Variants in RND3 observed in about 807,000 individuals in gnomAD.
RND3 encodes Rho family GTPase 3.
Under a neutral mutation model 26.5 loss-of-function variants are expected in RND3, and 8 were observed. The ratio of observed to expected loss-of-function variants is 0.30; its 90% CI spans 0.18 to 0.54. RND3 has a LOEUF of 0.54. Ranked by LOEUF, RND3 falls within the 20% of genes least tolerant of loss-of-function variation. RND3 has a pLI of 0.94. For synonymous variants in RND3, 113 were observed against 113.0 expected (o/e 1.00, Z 0.00); for missense variants, 207 against 302.8 (o/e 0.68, Z 2.35).
rs919891858 is a variant in RND3 at position 150,468,587 on chromosome 2, A to G, written c.*1400T>C. Reference sequence around the variant, plus strand: ...GATTTAAGGGGAGCACAGCTTCAACACTTCAAAAACGAAGCACTATCATGG... The same window carrying G: ...GATTTAAGGGGAGCACAGCTTCAACGCTTCAAAAACGAAGCACTATCATGG... On this transcript the variant is annotated 3_prime_UTR_variant, in exon 6 of 6. Coordinates refer to ENST00000263895, the MANE Select transcript of RND3 (RefSeq NM_005168.5). The G allele has an allele frequency of 6.6e-6, 1 of 152,660 alleles. No individual in the cohort carries two copies. The highest frequency in any genetic ancestry group is 1.5e-5 in the Non-Finnish European group (1 of 68,048). The allele number at this position is 152,660 out of a possible 1,614,324, so 9.5% of individuals were successfully genotyped here. A position where few individuals can be genotyped will look rare whatever the true frequency, so the allele number is the denominator to read the frequency against.
chr2:150,481,618 T>C (rs1319426455), intron 3 of RND3, among the ~76,000 whole-genome samples: 1 of 152,120 alleles, frequency 6.6e-6, no homozygotes, highest in Non-Finnish European at 1.5e-5. Context: ...ACTCCTCCCA[T>C]AGCATCTAGC....
chr2:150,474,328 C>T (rs982872933), intron 4 of RND3, among the ~76,000 whole-genome samples: 1 of 152,136 alleles, frequency 6.6e-6, no homozygotes, highest in Admixed American at 6.5e-5. Context: ...AGCACTGCTT[C>T]CATATTACTA....
chr2:150,472,686 C>T (rs1339469845), intron 4 of RND3, among the ~76,000 whole-genome samples: 2 of 152,106 alleles, frequency 1.3e-5, no homozygotes, highest in Admixed American at 1.3e-4. Context: ...CCTGACTCTT[C>T]CCACCCACAT....
At chr2:150,475,049 C>A (rs989889093) in intron 3 of RND3, 65 bp from the exon 4 acceptor site, 2 of 957,214 alleles carry the variant, frequency 2.1e-6, no homozygotes, top group Non-Finnish European at 3.3e-6. Flanking sequence ...TGCATTAACT[C>A]TACCCTTTCC....
At chr2:150,483,225 C>G (rs1180162714) in intron 3 of RND3, among the ~76,000 whole-genome samples, 1 of 152,008 alleles carries the variant, frequency 6.6e-6, no homozygotes, top group Non-Finnish European at 1.5e-5. Flanking sequence ...AAAAGTAGAC[C>G]CCTTATGAGA....
rs566959984 is a variant in RND3, at chr2:150,470,176, C to T, written c.546G>A (p.Ser182=). The T allele has an allele frequency of 2.2e-5, 36 of 1,613,876 alleles. No individual in the cohort carries two copies. Among genetic ancestry groups the T allele is most frequent in the African/African-American group, 1.5e-4 (11 of 75,006 alleles). Residue 182 remains serine, a synonymous_variant, in exon 6 of 6, where the codon TCG becomes TCA. Transcript: ENST00000263895. Reference sequence around the variant, plus strand: ...GAAAAATGTCTCTGACGCTATTTTCCGACTGTAAAGCTGAGCATTCGATAT... The same window carrying T: ...GAAAAATGTCTCTGACGCTATTTTCTGACTGTAAAGCTGAGCATTCGATAT... ...ATYIECSALQ[S]ENSVRDIFHV...
At chr2:150,485,788 G>A (rs983532130) in intron 3 of RND3, among the ~76,000 whole-genome samples, 1 of 152,154 alleles carries the variant, frequency 6.6e-6, no homozygotes, top group African/African-American at 2.4e-5. Context: ...TTCCCACCGG[G>A]AGGGTACCTA....
At chr2:150,477,288 C>T (rs967399822) in intron 3 of RND3, among the ~76,000 whole-genome samples, 41 of 152,044 alleles carry the variant, frequency 2.7e-4, no homozygotes, top group Admixed American at 2.1e-3. Flanking sequence ...TTTCAGGATA[C>T]GATTTGTATG....
rs71422244 is a variant in RND3 at position 150,487,464 on chromosome 2, G to GAA, written c.-38-11_-38-10dup. 7.6e-3 allele frequency: 2,178 copies of GAA among 288,166 alleles called. 39 individuals are homozygous for GAA. Among genetic ancestry groups the GAA allele is most frequent in the African/African-American group, 0.035 (1,382 of 39,632 alleles). The allele number at this position is 288,166 out of a possible 1,614,324, so 17.9% of individuals were successfully genotyped here. ...TGGAACAGGAATTTTCTCTTAAGAAGAAAAAAAAAAATATATATATATATA... is the reference window on the plus strand; with the variant it reads ...TGGAACAGGAATTTTCTCTTAAGAAGAAAAAAAAAAAAATATATATATATATA... On this transcript the variant is annotated splice_polypyrimidine_tract_variant and intron_variant, in intron 1 of 5. Coordinates refer to ENST00000263895, the MANE Select transcript of RND3 (RefSeq NM_005168.5).
At chr2:150,483,856 CT>C (rs1686316280) in intron 3 of RND3, among the ~76,000 whole-genome samples, 2 of 152,150 alleles carry the variant, frequency 1.3e-5, no homozygotes, top group Non-Finnish European at 2.9e-5. Context: ...AAATAATTCC[CT>C]TATGCCTCTT....
intron 5 of RND3, 91 bp downstream of exon 5, chr2:150,471,536 G>A (rs943187556): frequency 9.1e-7 from 1 of 1,099,696 alleles, no homozygotes; most frequent in African/African-American, 1.6e-5. Flanking sequence ...CTTTAGAAAA[G>A]CAGCTACTTT....
intron 3 of RND3, among the ~76,000 whole-genome samples, chr2:150,478,578 GCA>G (rs1686213168): frequency 1.3e-5 from 1 of 74,172 alleles, no homozygotes; most frequent in African/African-American, 6.5e-5. Context: ...AAGCCAAACG[GCA>G]AAAAAAAAAA....
At chr2:150,484,224 G>GAAC in intron 3 of RND3, among the ~76,000 whole-genome samples, 1 of 152,204 alleles carries the variant, frequency 6.6e-6, no homozygotes, top group East Asian at 1.9e-4. Flanking sequence ...TGTGCTATGT[G>GAAC]TGCAGAGTCT....
chr2:150,475,082 A>G, intron 3 of RND3, 98 bp from the exon 4 acceptor site: 1 of 673,542 alleles, frequency 1.5e-6, no homozygotes, highest in South Asian at 1.8e-5. Flanking sequence ...TGACTGTCAC[A>G]TCACGACCCA....
At chr2:150,483,581 A>C (rs1408631210) in intron 3 of RND3, among the ~76,000 whole-genome samples, 1 of 152,244 alleles carries the variant, frequency 6.6e-6, no homozygotes, top group Non-Finnish European at 1.5e-5. Flanking sequence ...TGAACTAAAT[A>C]AATGTTTTAG....
intron 5 of RND3, 135 bp from the exon 6 acceptor site, chr2:150,470,373 TTGC>T: frequency 1.1e-6 from 1 of 935,382 alleles, no homozygotes; most frequent in Non-Finnish European, 1.6e-6. Flanking sequence ...CCAAGTGTCA[TTGC>T]AAAAAAAAAA....
chr2:150,483,768 A>G (rs754174277), intron 3 of RND3, among the ~76,000 whole-genome samples: 1 of 152,256 alleles, frequency 6.6e-6, no homozygotes, highest in African/African-American at 2.4e-5. Context: ...GGCTATTCTT[A>G]GAATTTAAGT....
At chr2:150,477,186 CA>C (rs889485097) in intron 3 of RND3, among the ~76,000 whole-genome samples, 4 of 152,066 alleles carry the variant, frequency 2.6e-5, no homozygotes, top group African/African-American at 9.7e-5. Flanking sequence ...AAATCACTCA[CA>C]TTAGGAAAAA....
chr2:150,478,172 C>T (rs1358497165), intron 3 of RND3, among the ~76,000 whole-genome samples: 3 of 151,702 alleles, frequency 2.0e-5, no homozygotes, highest in African/African-American at 7.3e-5. Context: ...AAGTCATCAG[C>T]TCAGCAGGAC....
Sources: allele counts gnomAD v4.1 joint callset (sites outside exome capture counted in the v4.1 genomes callset), GRCh38; gene constraint gnomAD v4.1.1; transcripts MANE v1.5; gene names NCBI Gene and HGNC (gene_info 2026-07-23, HGNC 2026-07-21).